FRS2: variants seen among roughly 807,000 people sequenced by gnomAD.
FRS2 encodes the protein FGFR signalling adaptor.
A neutral mutation model predicts 43.9 loss-of-function variants in FRS2; 8 were observed. The observed-to-expected ratio is 0.18, with a 90% CI of 0.11 to 0.33. The LOEUF (loss-of-function observed/expected upper bound fraction) is 0.33. FRS2 is among the 10% of genes least tolerant of loss of function. The pLI is 1.00. For synonymous variants in FRS2, 219 were observed against 220.3 expected, an observed-to-expected ratio of 0.99 and a Z score of 0.05; for missense variants, 534 against 627.6, an observed-to-expected ratio of 0.85 and a Z score of 1.59.
chr12:69,541,004 T>C (rs1346664292), intron 3 of FRS2, among the ~76,000 whole-genome samples: 1 of 152,150 alleles, frequency 6.6e-6, no homozygotes, highest in African/African-American at 2.4e-5. Flanking sequence ...AAGAAAAATC[T>C]GAAAAACCAT....
At chr12:69,512,623 G>C (rs989280926) in intron 1 of FRS2, among the ~76,000 whole-genome samples, 5 of 152,034 alleles carry the variant, frequency 3.3e-5, no homozygotes, top group African/African-American at 1.2e-4. Context: ...TATGTTCTGA[G>C]GGCATGCAGT....
chr12:69,541,677 T>C (rs1194552630), intron 3 of FRS2, among the ~76,000 whole-genome samples: 1 of 151,748 alleles, frequency 6.6e-6, no homozygotes, highest in Non-Finnish European at 1.5e-5. Flanking sequence ...ATACAAAAAT[T>C]AGCCACATGC....
intron 1 of FRS2, among the ~76,000 whole-genome samples, chr12:69,527,342 G>GGTTTTTTTTT (rs1294936661): frequency 3.0e-5 from 1 of 33,148 alleles, no homozygotes; most frequent in African/African-American, 2.0e-4. Context: ...TTTTTTTAAT[G>GGTTTTTTTTT]ATTTTTTTTT....
chr12:69,558,088 T>C (rs1178330443), intron 3 of FRS2, among the ~76,000 whole-genome samples: 1 of 152,170 alleles, frequency 6.6e-6, no homozygotes, highest in Non-Finnish European at 1.5e-5. Context: ...AAAAGGGACT[T>C]TGTCAGATTC....
intron 1 of FRS2, among the ~76,000 whole-genome samples, chr12:69,500,807 T>C (rs1873368890): frequency 1.3e-5 from 2 of 152,222 alleles, no homozygotes; most frequent in Non-Finnish European, 2.9e-5. Flanking sequence ...GTGAGTCATA[T>C]ACAAAGGTAT....
At chr12:69,510,020 T>A (rs1309379849) in intron 1 of FRS2, among the ~76,000 whole-genome samples, 1 of 152,214 alleles carries the variant, frequency 6.6e-6, no homozygotes, top group Non-Finnish European at 1.5e-5. Context: ...TAAATGGACT[T>A]GTCACTGGCT....
chr12:69,563,374 A>G (rs1253417578), intron 4 of FRS2, among the ~76,000 whole-genome samples: 2 of 152,296 alleles, frequency 1.3e-5, no homozygotes, highest in South Asian at 2.1e-4. Flanking sequence ...TCCCTCACTC[A>G]TGCTAAGCCT....
At chr12:69,519,587 TC>T (rs1189285700) in intron 1 of FRS2, among the ~76,000 whole-genome samples, 1 of 104,146 alleles carries the variant, frequency 9.6e-6, no homozygotes, top group East Asian at 2.7e-4. Flanking sequence ...GCCACAGTTG[TC>T]TGTTGTTCCC....
chr12:69,558,699 T>A (rs1010753462), intron 3 of FRS2, among the ~76,000 whole-genome samples: 3 of 152,226 alleles, frequency 2.0e-5, no homozygotes, highest in Non-Finnish European at 4.4e-5. Context: ...CTGTATTGAA[T>A]GTTTTGATAG....
At chr12:69,546,553 C>T (rs758946529) in intron 3 of FRS2, among the ~76,000 whole-genome samples, 13 of 151,310 alleles carry the variant, frequency 8.6e-5, no homozygotes, top group East Asian at 3.9e-4. Flanking sequence ...ACACCATGCC[C>T]GGCTAATTTT....
intron 1 of FRS2, among the ~76,000 whole-genome samples, chr12:69,526,402 C>T (rs1055031617): frequency 1.3e-5 from 2 of 152,054 alleles, no homozygotes; most frequent in East Asian, 3.9e-4. Context: ...ATGTGATAGG[C>T]AGTAGTTCAA....
In FRS2 at chr12:69,575,228, T is replaced by C. The variant is rs1881109970; in HGVS notation, c.*273T>C. 1 of 400,866 alleles carries C rather than the reference T, an allele frequency of 2.5e-6. No homozygotes were observed. Among genetic ancestry groups the C allele is most frequent in the African/African-American group, 2.0e-5 (1 of 49,250 alleles). 24.8% of individuals were successfully genotyped at this position (400,866 alleles called of 1,614,324 possible). A position where few individuals can be genotyped will look rare whatever the true frequency, so the allele number is the denominator to read the frequency against. On this transcript the variant is annotated 3_prime_UTR_variant, in exon 9 of 9. Transcript: ENST00000549921. ...AGAGTTGAAGTAAATGACATGCTGG[T>C]TGATTTTTATCAATATTCTGGACTT...
chr12:69,545,755 C>CAAAAAAAAAAAAAAAAAAAAA (rs60460901), intron 3 of FRS2, among the ~76,000 whole-genome samples: 1 of 80,430 alleles, frequency 1.2e-5, no homozygotes, highest in African/African-American at 4.3e-5. Flanking sequence ...GACCCTGTCT[C>CAAAAAAAAAAAAAAAAAAAAA]AAAAAAAAAA....
intron 2 of FRS2, among the ~76,000 whole-genome samples, chr12:69,531,610 A>C (rs920906999): frequency 1.3e-5 from 2 of 152,106 alleles, no homozygotes; most frequent in Admixed American, 1.3e-4. Context: ...AACTTTGTGA[A>C]TATGTAAAAA....
At chr12:69,471,748 A>G (rs193127768) in intron 1 of FRS2, among the ~76,000 whole-genome samples, 6 of 152,390 alleles carry the variant, frequency 3.9e-5, no homozygotes, top group African/African-American at 1.4e-4. Context: ...CTATTAGCAG[A>G]TGGCCACTGT....
Position 69,574,800 on chromosome 12 carries a change from A to G in FRS2, c.1372A>G (p.Thr458Ala), listed in dbSNP as rs1191500810. ...CCCTCAGACTCCAAAAACGCCTACA[A>G]CTCCCCTTCCACAAACCCCTACCAG... Reference protein sequence around the residue: ...DNPQTPKTPTTPLPQTPTRRT... With the variant: ...DNPQTPKTPTAPLPQTPTRRT... The change falls in exon 9 of 9, where the codon ACT becomes GCT. Residue 458 changes from threonine to alanine, a missense_variant. Coordinates refer to ENST00000549921, the MANE Select transcript of FRS2 (RefSeq NM_001278356.2). The G allele has an allele frequency of 6.2e-7, 1 of 1,613,828 alleles. No homozygotes were observed. Among genetic ancestry groups the G allele is most frequent in the South Asian group, 1.1e-5 (1 of 91,068 alleles).
intron 3 of FRS2, among the ~76,000 whole-genome samples, chr12:69,561,459 A>G (rs921315193): frequency 6.6e-6 from 1 of 152,220 alleles, no homozygotes; most frequent in Non-Finnish European, 1.5e-5. Context: ...AATGCCTGGT[A>G]CAGAGTAGGT....
In FRS2 at chr12:69,479,377, T is replaced by C. The variant is rs141211818; in HGVS notation, c.-261+8847T>C. On this transcript the variant is annotated intron_variant, in intron 1 of 8. Coordinates refer to ENST00000549921, the MANE Select transcript of FRS2 (RefSeq NM_001278356.2). ...AGTGTGATTGACAGTCCTTTACAGT[T>C]AATCTGTTGTTTCTTTTTTTTTTTT... Among the ~76,000 whole-genome samples the C allele has an allele frequency of 2.5e-4, 37 of 150,480 alleles. No homozygotes were observed. In the East Asian group the frequency reaches 7.3e-3, roughly 30 times the overall value.
intron 1 of FRS2, among the ~76,000 whole-genome samples, chr12:69,486,885 C>T (rs531181411): frequency 6.6e-6 from 1 of 152,278 alleles, no homozygotes; most frequent in Admixed American, 6.5e-5. Flanking sequence ...GGTGAGGAAG[C>T]TGCAGAAAAA....
Sources: allele counts gnomAD v4.1 joint callset (sites outside exome capture counted in the v4.1 genomes callset), GRCh38; gene constraint gnomAD v4.1.1; transcripts MANE v1.5; gene names NCBI Gene and HGNC (gene_info 2026-07-23, HGNC 2026-07-21).